The following ROBO2 variants were observed in gnomAD, a reference collection of about 807,000 sequenced individuals.
ROBO2 encodes the protein roundabout homolog 2.
A neutral mutation model predicts 160.8 loss-of-function variants in ROBO2; 53 were observed. The observed-to-expected ratio is 0.33, with a 90% CI of 0.26 to 0.41. The LOEUF is 0.41. Ranked by LOEUF, ROBO2 falls within the 10% of genes least tolerant of loss-of-function variation. The pLI is 1.00. For synonymous variants in ROBO2, 664 were observed against 611.7 expected, an observed-to-expected ratio of 1.09 and a Z score of -1.26; for missense variants, 1,577 against 1,722.4, an observed-to-expected ratio of 0.92 and a Z score of 1.49.
chr3:77,316,929 A>G, intron 2 of ROBO2: 2 of 1,246,302 alleles, frequency 1.6e-6, no homozygotes, highest in Non-Finnish European at 2.4e-6. Flanking sequence ...GGTCAGTCTG[A>G]TACTTGGCTG....
chr3:76,349,570 T>C (rs1242820752), intron 2 of ROBO2, among the ~76,000 whole-genome samples: 1 of 152,124 alleles, frequency 6.6e-6, no homozygotes, highest in East Asian at 1.9e-4. Context: ...GATTTATTTT[T>C]GTGTGTGCTT....
intron 2 of ROBO2, among the ~76,000 whole-genome samples, chr3:76,356,443 T>A (rs985271924): frequency 6.6e-6 from 1 of 151,670 alleles, no homozygotes; most frequent in Non-Finnish European, 1.5e-5. Flanking sequence ...CAACTATAAA[T>A]ATATACAGAG....
chr3:75,921,878 T>C (rs1422839391), intron 1 of ROBO2, among the ~76,000 whole-genome samples: 1 of 152,142 alleles, frequency 6.6e-6, no homozygotes, highest in Non-Finnish European at 1.5e-5. Context: ...GGTATATGTG[T>C]AGAACAAATT....
intron 2 of ROBO2, among the ~76,000 whole-genome samples, chr3:76,281,767 C>T (rs1044815462): frequency 6.6e-6 from 1 of 151,972 alleles, no homozygotes; most frequent in African/African-American, 2.4e-5. Context: ...TAGAGAGTCA[C>T]TTTATCTTAG....
intron 2 of ROBO2, among the ~76,000 whole-genome samples, chr3:75,995,311 G>A (rs1185975471): frequency 1.3e-5 from 2 of 152,116 alleles, no homozygotes; most frequent in East Asian, 1.9e-4. Flanking sequence ...CAGTCTCAGG[G>A]CTTGGTGCTC....
chr3:76,440,628 C>T (rs1559948716), intron 2 of ROBO2, among the ~76,000 whole-genome samples: 1 of 152,030 alleles, frequency 6.6e-6, no homozygotes, highest in Non-Finnish European at 1.5e-5. Flanking sequence ...TCACTGTTAC[C>T]CCTTCCAAGA....
At chr3:77,424,815 A>G (rs978472073) in intron 2 of ROBO2, among the ~76,000 whole-genome samples, 1 of 152,136 alleles carries the variant, frequency 6.6e-6, no homozygotes, top group African/African-American at 2.4e-5. Context: ...GAGGAAACAA[A>G]CATCCCCTTG....
intron 2 of ROBO2, among the ~76,000 whole-genome samples, chr3:76,216,199 C>CA (rs200695578): frequency 0.03 from 4,535 of 152,236 alleles, 161 homozygotes; most frequent in African/African-American, 0.082. Context: ...AAAGCCACTA[C>CA]AAAAACATGC....
chr3:77,026,217 C>A (rs548356212), intron 2 of ROBO2, among the ~76,000 whole-genome samples: 4 of 152,036 alleles, frequency 2.6e-5, no homozygotes, highest in African/African-American at 9.7e-5. Context: ...AAATTTTGAC[C>A]TTTGTGATAT....
At position 76,684,034 on chromosome 3, in the gene ROBO2, C is replaced by T. The variant is rs544428923; in HGVS notation, c.110-413980C>T. ...CCTTTCAAGAGGCTGTTTGTAACTG[C>T]GATGCCAACTGGAGATGATTGAAAA... On this transcript the variant is annotated intron_variant, in intron 2 of 26. Transcript: ENST00000487694. 1.4e-3 allele frequency among the ~76,000 whole-genome samples: 219 copies of T among 151,916 alleles called. 1 individual carries two copies. Among genetic ancestry groups the T allele is most frequent in the African/African-American group, 4.7e-3 (193 of 41,438 alleles).
At position 76,025,922 on chromosome 3, in the gene ROBO2, G is replaced by A. The variant is rs575498018; in HGVS notation, c.109+88320G>A. On this transcript the variant is annotated intron_variant, in intron 2 of 26. Transcript: ENST00000487694. ...TTTTTCCAGTCCAGAATTTCTACAT[G>A]AGCTCTACCATCCTATTAGACATTT... is the stretch of plus-strand genomic sequence containing the variant. Among the ~76,000 whole-genome samples, 3 of 151,924 alleles carry A rather than the reference G, an allele frequency of 2.0e-5. No individual in the cohort carries two copies. In the South Asian group the frequency reaches 6.2e-4, roughly 31 times the overall value.
At chr3:76,898,164 T>C (rs555226061) in intron 2 of ROBO2, among the ~76,000 whole-genome samples, 2 of 152,204 alleles carry the variant, frequency 1.3e-5, no homozygotes, top group African/African-American at 4.8e-5. Flanking sequence ...ATTGAAATTA[T>C]TACATCTCAT....
chr3:76,763,583 CAT>C (rs1467648781), intron 2 of ROBO2, among the ~76,000 whole-genome samples: 2 of 137,534 alleles, frequency 1.5e-5, no homozygotes, highest in Non-Finnish European at 3.2e-5. Context: ...TTTTTTTTTA[CAT>C]GTTTCCTCCT....
At chr3:76,211,753 T>G (rs1468035879) in intron 2 of ROBO2, among the ~76,000 whole-genome samples, 1 of 152,106 alleles carries the variant, frequency 6.6e-6, no homozygotes, top group East Asian at 1.9e-4. Flanking sequence ...ATTTAAAGAT[T>G]CTGTCTTTCA....
Position 76,921,791 on chromosome 3 carries a change from G to T in ROBO2, c.110-176223G>T, listed in dbSNP as rs569572233. Among the ~76,000 whole-genome samples the T allele has an allele frequency of 2.6e-5, 4 of 152,158 alleles. No homozygotes were observed. In the East Asian group the frequency reaches 7.7e-4, roughly 29 times the overall value. ...TGAATCTTGAGATAGCCATATTTCTGCCATAGTTCTAAAATATGAGGGTTT... is the reference window on the plus strand; with the variant it reads ...TGAATCTTGAGATAGCCATATTTCTTCCATAGTTCTAAAATATGAGGGTTT... On this transcript the variant is annotated intron_variant, in intron 2 of 26. Coordinates refer to the ROBO2 transcript ENST00000487694.
At chr3:76,596,716 C>A (rs1363709918) in intron 2 of ROBO2, among the ~76,000 whole-genome samples, 1 of 152,046 alleles carries the variant, frequency 6.6e-6, no homozygotes, top group African/African-American at 2.4e-5. Context: ...TCTTAGCCCT[C>A]CTGGATTAAG....
At chr3:76,715,490 G>A (rs2093365195) in intron 2 of ROBO2, among the ~76,000 whole-genome samples, 1 of 152,130 alleles carries the variant, frequency 6.6e-6, no homozygotes, top group African/African-American at 2.4e-5. Flanking sequence ...GGACTTAACA[G>A]TTCTCAAAGC....
At chr3:77,252,831 A>AAAAAAAAAATATATATATATATATATAT in intron 2 of ROBO2, among the ~76,000 whole-genome samples, 1 of 12,518 alleles carries the variant, frequency 8.0e-5, no homozygotes, top group African/African-American at 1.6e-4. Context: ...AAAAAAAAAA[A>AAAAAAAAAATATATATATATATATATAT]ATATATATAT....
At chr3:75,958,017 A>G (rs1172675542) in intron 2 of ROBO2, among the ~76,000 whole-genome samples, 2 of 151,736 alleles carry the variant, frequency 1.3e-5, no homozygotes, top group South Asian at 4.1e-4. Flanking sequence ...GGAATCTTCA[A>G]TACAAAAAAA....
Sources: gnomAD v4.1 joint callset for allele counts (sites outside exome capture counted in the v4.1 genomes callset) on GRCh38, gnomAD v4.1.1 for gene constraint, MANE v1.5 for transcripts, NCBI Gene and HGNC (gene_info 2026-07-23, HGNC 2026-07-21) for gene names.